Variants in GRID2 observed in about 807,000 individuals in gnomAD.
GRID2 encodes the protein glutamate receptor ionotropic, delta-2.
In GRID2, 33 loss-of-function variants were observed where a neutral mutation model predicts 114.8. The ratio of observed to expected loss-of-function variants is 0.29; its 90% CI spans 0.22 to 0.38. The LOEUF is 0.38. GRID2 is among the 10% of genes least tolerant of loss of function. The pLI is 1.00. For missense variants in GRID2, 1,184 were observed against 1,257.7 expected, an observed-to-expected ratio of 0.94 and a Z score of 0.89; for synonymous variants, 505 against 449.9, an observed-to-expected ratio of 1.12 and a Z score of -1.55.
chr4:92,395,429 G>A (rs1730445391), intron 1 of GRID2, among the ~76,000 whole-genome samples: 1 of 151,654 alleles, frequency 6.6e-6, no homozygotes, highest in South Asian at 2.1e-4. Context: ...TGTTGATCTT[G>A]CGAAACCCTT....
intron 2 of GRID2, among the ~76,000 whole-genome samples, chr4:92,919,795 G>A (rs1019861212): frequency 6.6e-6 from 1 of 152,182 alleles, no homozygotes; most frequent in Non-Finnish European, 1.5e-5. Flanking sequence ...TTTGGAATAG[G>A]TGTGGTGTGG....
intron 13 of GRID2, among the ~76,000 whole-genome samples, chr4:93,608,729 G>A (rs1173150380): frequency 7.3e-6 from 1 of 136,132 alleles, no homozygotes; most frequent in Non-Finnish European, 1.6e-5. Flanking sequence ...CATTTGGGTT[G>A]GTTCCAAGTC....
chr4:92,704,875 G>C (rs756230417), intron 2 of GRID2, among the ~76,000 whole-genome samples: 2 of 149,348 alleles, frequency 1.3e-5, no homozygotes, highest in Middle Eastern at 7.0e-3. Context: ...GAGCAGAAAT[G>C]ACAAGTGGCT....
At chr4:93,007,914 A>G (rs1471694486) in intron 2 of GRID2, among the ~76,000 whole-genome samples, 1 of 151,294 alleles carries the variant, frequency 6.6e-6, no homozygotes, top group Non-Finnish European at 1.5e-5. Flanking sequence ...CATGGTGGGC[A>G]CCTATAATCC....
chr4:93,535,356 A>T (rs1021088754), intron 13 of GRID2, among the ~76,000 whole-genome samples: 17 of 152,044 alleles, frequency 1.1e-4, no homozygotes, highest in Non-Finnish European at 2.1e-4. Flanking sequence ...CACCATGAAC[A>T]TAAGAACACA....
intron 1 of GRID2, among the ~76,000 whole-genome samples, chr4:92,535,332 C>G (rs1175365527): frequency 1.3e-5 from 2 of 152,096 alleles, no homozygotes; most frequent in Non-Finnish European, 2.9e-5. Flanking sequence ...TTCTTATAAA[C>G]ATTTCTCTTT....
At chr4:92,943,936 C>T (rs1399210991) in intron 2 of GRID2, among the ~76,000 whole-genome samples, 2 of 152,176 alleles carry the variant, frequency 1.3e-5, no homozygotes, top group Non-Finnish European at 2.9e-5. Context: ...CCTGATTGTT[C>T]CTCTGGAAGT....
At chr4:93,034,123 G>A (rs185675029) in intron 2 of GRID2, among the ~76,000 whole-genome samples, 11 of 152,236 alleles carry the variant, frequency 7.2e-5, no homozygotes, top group Admixed American at 2.6e-4. Flanking sequence ...TGAGTCTGCC[G>A]GGCTACCCAG....
chr4:93,803,896 C>T (rs1734982691), intron 1 of GRID2, among the ~76,000 whole-genome samples: 1 of 152,092 alleles, frequency 6.6e-6, no homozygotes, highest in African/African-American at 2.4e-5. Context: ...AGATTAAAAA[C>T]AAAAATGTAA....
intron 1 of GRID2, among the ~76,000 whole-genome samples, chr4:92,394,567 G>C (rs564736797): frequency 6.6e-6 from 1 of 151,754 alleles, no homozygotes; most frequent in South Asian, 2.1e-4. Context: ...GTAAGTAGTT[G>C]GGTCACAGGC....
intron 2 of GRID2, among the ~76,000 whole-genome samples, chr4:92,852,369 T>C (rs1743880403): frequency 6.6e-6 from 1 of 151,944 alleles, no homozygotes; most frequent in African/African-American, 2.4e-5. Flanking sequence ...GAATCATTAA[T>C]AAACTTTCTG....
chr4:92,922,562 C>G lies in GRID2; in HGVS notation c.245-162433C>G, dbSNP rs139471226. 4.4e-3 allele frequency among the ~76,000 whole-genome samples: 665 copies of G among 152,094 alleles called. 8 individuals are homozygous for G. The highest frequency in any genetic ancestry group is 0.015 in the African/African-American group (640 of 41,500). On this transcript the variant is annotated intron_variant, in intron 2 of 15. Transcript: ENST00000282020. Reference sequence around the variant, plus strand: ...AACTGCTCTGAACTGGTTGTCAATTCAAATATGGTTTTAATATGAAATTAC... The same window carrying G: ...AACTGCTCTGAACTGGTTGTCAATTGAAATATGGTTTTAATATGAAATTAC...
chr4:93,649,324 C>A (rs577869946), intron 14 of GRID2, among the ~76,000 whole-genome samples: 1 of 152,270 alleles, frequency 6.6e-6, no homozygotes, highest in East Asian at 1.9e-4. Flanking sequence ...GGGTAGCAGT[C>A]TTTCAGACTT....
chr4:92,877,548 T>A (rs1745721502), intron 2 of GRID2, among the ~76,000 whole-genome samples: 1 of 152,152 alleles, frequency 6.6e-6, no homozygotes, highest in Non-Finnish European at 1.5e-5. Context: ...CACATTCTTA[T>A]GTACAAGATA....
At chr4:92,530,610 G>A (rs1487010677) in intron 1 of GRID2, among the ~76,000 whole-genome samples, 1 of 151,130 alleles carries the variant, frequency 6.6e-6, no homozygotes, top group Non-Finnish European at 1.5e-5. Flanking sequence ...TTAAAAAGAG[G>A]TCCTTAAATG....
chr4:93,792,432 C>T (rs567114279), intron 1 of GRID2, among the ~76,000 whole-genome samples: 1 of 152,266 alleles, frequency 6.6e-6, no homozygotes, highest in East Asian at 1.9e-4. Context: ...TTTACCTGAC[C>T]TACACCCGCA....
chr4:92,558,229 A>G (rs1029941241), intron 1 of GRID2, among the ~76,000 whole-genome samples: 3 of 152,156 alleles, frequency 2.0e-5, no homozygotes, highest in Non-Finnish European at 4.4e-5. Flanking sequence ...ATAAAGGTCA[A>G]TTAGAAAACT....
intron 2 of GRID2, among the ~76,000 whole-genome samples, chr4:93,077,579 C>T (rs1404548277): frequency 6.6e-6 from 1 of 152,094 alleles, no homozygotes; most frequent in Non-Finnish European, 1.5e-5. Context: ...ATAATATGAT[C>T]TGATTATCAT....
At chr4:92,942,951 A>T (rs1410405968) in intron 2 of GRID2, among the ~76,000 whole-genome samples, 1 of 152,116 alleles carries the variant, frequency 6.6e-6, no homozygotes, top group Non-Finnish European at 1.5e-5. Context: ...TGTTATTCTG[A>T]TGGGCTTCCC....
Sources: gnomAD v4.1 joint callset for allele counts (sites outside exome capture counted in the v4.1 genomes callset) on GRCh38, gnomAD v4.1.1 for gene constraint, MANE v1.5 for transcripts, NCBI Gene and HGNC (gene_info 2026-07-23, HGNC 2026-07-21) for gene names.